The following PPHLN1 variants were observed in gnomAD, a reference collection of about 807,000 sequenced individuals.
PPHLN1 encodes the protein periphilin 1.
PPHLN1 carries 29 observed loss-of-function variants against 51.3 expected under a neutral mutation model. That is an observed-to-expected ratio of 0.57 (90% CI 0.42 to 0.77). The LOEUF (loss-of-function observed/expected upper bound fraction) is 0.77. Ranked by LOEUF, PPHLN1 falls within the 30% of genes least tolerant of loss-of-function variation. The pLI is 0.00. For missense variants in PPHLN1, 436 were observed against 438.4 expected (o/e 0.99, Z 0.05); for synonymous variants, 147 against 147.8 (o/e 0.99, Z 0.04).
intron 2 of PPHLN1, among the ~76,000 whole-genome samples, chr12:42,346,190 C>T (rs1164147135): frequency 6.6e-6 from 1 of 152,124 alleles, no homozygotes. Context: ...ACTTATTCAT[C>T]TTACTTACCT....
intron 9 of PPHLN1, chr12:42,432,427 T>A: frequency 1.3e-6 from 1 of 757,618 alleles, no homozygotes; most frequent in South Asian, 1.4e-5. Flanking sequence ...TGCCAACAAA[T>A]ACAAATGGAA....
At chr12:42,406,415 G>C (rs949357113) in intron 9 of PPHLN1, among the ~76,000 whole-genome samples, 2 of 152,038 alleles carry the variant, frequency 1.3e-5, no homozygotes, top group African/African-American at 4.8e-5. Flanking sequence ...GAATCATATG[G>C]AATATAGTAT....
rs764149372 is a variant in PPHLN1 at position 42,374,972 on chromosome 12, C to T, written c.409C>T (p.Arg137Ter). ...NTFFRESPVGRKDSPHSRSGS... is the reference protein window; with the variant it reads ...NTFFRESPVG ...TTTTTTCAGAGAATCACCTGTTGGC[C>T]GAAAGGATTCTCCACACAGCAGATC... The change falls in exon 5 of 10, where the codon CGA (arginine) becomes TGA (stop). Residue 137 changes from arginine (R) to a stop codon, truncating the protein, a stop_gained. Coordinates refer to ENST00000358314, the MANE Select transcript of PPHLN1 (RefSeq NM_201439.2). LOFTEE classifies it high-confidence loss of function. 5 of 1,613,626 alleles carry T rather than the reference C, an allele frequency of 3.1e-6. No individual in the cohort carries two copies. The South Asian group carries it at 3.3e-5, about 11-fold the overall frequency.
intron 9 of PPHLN1, among the ~76,000 whole-genome samples, chr12:42,402,505 A>G (rs2078932128): frequency 6.6e-6 from 1 of 152,164 alleles, no homozygotes; most frequent in South Asian, 2.1e-4. Context: ...TATATGGGCT[A>G]CTTTACTAGC....
At chr12:42,438,865 G>A in intron 9 of PPHLN1, among the ~76,000 whole-genome samples, 1 of 152,178 alleles carries the variant, frequency 6.6e-6, no homozygotes, top group East Asian at 1.9e-4. Context: ...GCCTCCCAAA[G>A]TGCTGGGATT....
intron 8 of PPHLN1, among the ~76,000 whole-genome samples, chr12:42,397,950 T>G (rs1473046352): frequency 6.6e-6 from 1 of 151,570 alleles, no homozygotes; most frequent in Non-Finnish European, 1.5e-5. Flanking sequence ...TCTTGATCTC[T>G]TGACCTCGTG....
intron 2 of PPHLN1, among the ~76,000 whole-genome samples, chr12:42,341,864 G>A (rs1430339139): frequency 6.6e-6 from 1 of 152,026 alleles, no homozygotes; most frequent in Non-Finnish European, 1.5e-5. Flanking sequence ...CTCGTGATCC[G>A]CCTGCCTTGG....
downstream of PPHLN1, chr12:42,445,032 G>GT (rs1566058166): frequency 3.1e-5 from 22 of 701,994 alleles, no homozygotes; most frequent in Non-Finnish European, 5.5e-5. Flanking sequence ...TGCTTACTCT[G>GT]TTTATTTATT....
At chr12:42,383,766 G>A (rs745404740) in intron 5 of PPHLN1, among the ~76,000 whole-genome samples, 31 of 152,010 alleles carry the variant, frequency 2.0e-4, no homozygotes, top group Non-Finnish European at 4.0e-4. Context: ...GGATCACGAG[G>A]TTAGGAGTTC....
downstream of PPHLN1, chr12:42,446,113 A>C: frequency 6.4e-7 from 1 of 1,557,976 alleles, no homozygotes; most frequent in South Asian, 1.2e-5. Context: ...CCCGGAAGAA[A>C]CGGGTTCGTC....
intron 6 of PPHLN1, 95 bp downstream of exon 6, chr12:42,385,091 C>A: frequency 7.8e-7 from 1 of 1,280,630 alleles, no homozygotes; most frequent in South Asian, 1.2e-5. Context: ...TATAACTGCT[C>A]CATTAGTCTA....
At chr12:42,395,200 C>T (rs1041677990) in intron 8 of PPHLN1, among the ~76,000 whole-genome samples, 2 of 151,708 alleles carry the variant, frequency 1.3e-5, no homozygotes, top group Non-Finnish European at 2.9e-5. Context: ...GCTCAGAATT[C>T]GCTAGATTTC....
At position 42,431,914 on chromosome 12, in the gene PPHLN1, C is replaced by T. The variant is rs544269578; in HGVS notation, c.910-9401C>T. ...CAGAACAGCATCTTCATCAGTCCTT[C>T]GTCTACGAGACCTCGTATGACGATT... On this transcript the variant is annotated intron_variant, in intron 9 of 9. Transcript: ENST00000358314. 267 of 1,580,552 alleles carry T rather than the reference C, an allele frequency of 1.7e-4. 1 individual carries two copies. In the African/African-American group the frequency reaches 2.7e-3, roughly 16 times the overall value.
intron 4 of PPHLN1, among the ~76,000 whole-genome samples, chr12:42,363,922 A>G (rs1310079573): frequency 6.6e-6 from 1 of 152,056 alleles, no homozygotes; most frequent in Non-Finnish European, 1.5e-5. Flanking sequence ...TAGTTATGAG[A>G]TCTTATAATA....
At chr12:42,337,139 A>G (rs2070771896) in intron 2 of PPHLN1, among the ~76,000 whole-genome samples, 1 of 151,840 alleles carries the variant, frequency 6.6e-6, no homozygotes, top group Non-Finnish European at 1.5e-5. Context: ...TTTTTACTTG[A>G]TAAGGTTATT....
intron 5 of PPHLN1, among the ~76,000 whole-genome samples, chr12:42,379,641 A>G (rs774376558): frequency 4.6e-5 from 7 of 152,154 alleles, no homozygotes; most frequent in East Asian, 3.9e-4. Context: ...ATTTTCACAT[A>G]TAATACCATT....
chr12:42,330,382 G>A (rs991664178), intron 1 of PPHLN1, among the ~76,000 whole-genome samples: 5 of 152,190 alleles, frequency 3.3e-5, no homozygotes, highest in South Asian at 2.1e-4. Flanking sequence ...GGACGGTCAG[G>A]TCTTTCTCGT....
At chr12:42,427,276 T>C (rs2081585425) in intron 9 of PPHLN1, among the ~76,000 whole-genome samples, 1 of 152,218 alleles carries the variant, frequency 6.6e-6, no homozygotes, top group South Asian at 2.1e-4. Flanking sequence ...GAAATAGCTG[T>C]ATATAAAAAT....
At chr12:42,446,735 A>C, downstream of PPHLN1, 1 of 1,340,350 alleles carries the variant, frequency 7.5e-7, no homozygotes, top group Non-Finnish European at 1.0e-6. Context: ...AGGAGAAGCT[A>C]TAAGGAAAGA....
Sources: allele counts gnomAD v4.1 joint callset (sites outside exome capture counted in the v4.1 genomes callset), GRCh38; gene constraint gnomAD v4.1.1; transcripts MANE v1.5; gene names NCBI Gene and HGNC (gene_info 2026-07-23, HGNC 2026-07-21).